ZFP2: variants seen among roughly 807,000 people sequenced by gnomAD.
ZFP2 encodes ZFP2 zinc finger protein.
A neutral mutation model predicts 36.1 loss-of-function variants in ZFP2; 33 were observed. The observed-to-expected ratio is 0.92, with a 90% CI of 0.69 to 1.22. The LOEUF (loss-of-function observed/expected upper bound fraction) is 1.22, where lower values mean the gene tolerates loss of function less well. ZFP2 is among the 50% of genes most tolerant of loss of function. The pLI, the probability that ZFP2 is intolerant of heterozygous loss-of-function variation, is 0.00. For synonymous variants in ZFP2, 170 were observed against 178.0 expected, an observed-to-expected ratio of 0.96 and a Z score of 0.36; for missense variants, 522 against 551.4, an observed-to-expected ratio of 0.95 and a Z score of 0.53.
chr5:178,927,663 A>ATGTG (rs33974182), intron 4 of ZFP2, among the ~76,000 whole-genome samples: 8,432 of 91,892 alleles, frequency 0.092, 384 homozygotes, highest in South Asian at 0.14. Flanking sequence ...TACCTGGCCA[A>ATGTG]TGTGTGTGTG....
intron 3 of ZFP2, among the ~76,000 whole-genome samples, chr5:178,913,426 G>A (rs956432231): frequency 6.6e-6 from 1 of 152,128 alleles, no homozygotes; most frequent in Non-Finnish European, 1.5e-5. Context: ...TCTTTCATGA[G>A]TGTTTCCTCT....
intron 1 of ZFP2, 36 bp downstream of exon 1, chr5:178,896,010 C>T (rs948925619): frequency 6.6e-6 from 1 of 152,334 alleles, no homozygotes; most frequent in Non-Finnish European, 1.5e-5. Flanking sequence ...CGCGCGCCAT[C>T]CGTGAGTCTT....
At chr5:178,921,366 C>CCAACATTTTTCTTTCTTCTTTTGGT (rs1554106972) in intron 4 of ZFP2, among the ~76,000 whole-genome samples, 2 of 150,376 alleles carry the variant, frequency 1.3e-5, no homozygotes, top group African/African-American at 2.4e-5. Context: ...AGTGACCATC[C>CCAACATTTTTCTTTCTTCTTTTGGT]CTATGTAGAG....
chr5:178,919,161 A>AT (rs1377566817), intron 4 of ZFP2, among the ~76,000 whole-genome samples: 1 of 123,430 alleles, frequency 8.1e-6, no homozygotes. Context: ...CAATGCTAAT[A>AT]TTTTTGTTTT....
At chr5:178,910,646 C>A in intron 1 of ZFP2, 1 of 385,396 alleles carries the variant, frequency 2.6e-6, no homozygotes, top group South Asian at 2.3e-5. Context: ...CCCTCTGGAT[C>A]AGTTGCCCTC....
chr5:178,906,881 T>TA lies in ZFP2; in HGVS notation c.-449-5701dup, dbSNP rs138492415. ...CTGAGTTTTTGTCTTTTTTTTTTTT[T>TA]AATAAGTTTTTATTTAAAAGATTCC... is the stretch of plus-strand genomic sequence containing the variant. On this transcript the variant is annotated intron_variant, in intron 1 of 4. Transcript: ENST00000361362. 4.4e-3 allele frequency among the ~76,000 whole-genome samples: 664 copies of TA among 149,330 alleles called. 8 individuals are homozygous for TA. The highest frequency in any genetic ancestry group is 0.015 in the African/African-American group (606 of 40,282).
At chr5:178,908,486 T>A (rs949242073) in intron 1 of ZFP2, among the ~76,000 whole-genome samples, 1 of 151,470 alleles carries the variant, frequency 6.6e-6, no homozygotes, top group African/African-American at 2.4e-5. Context: ...TTCAACCATG[T>A]AAATAGCGCT....
intron 1 of ZFP2, among the ~76,000 whole-genome samples, chr5:178,908,491 A>G (rs370600212): frequency 2.0e-5 from 3 of 152,046 alleles, no homozygotes; most frequent in Admixed American, 6.6e-5. Context: ...CCATGTAAAT[A>G]GCGCTACACA....
intron 1 of ZFP2, among the ~76,000 whole-genome samples, chr5:178,903,932 C>T (rs754542009): frequency 2.0e-5 from 3 of 151,768 alleles, no homozygotes; most frequent in Non-Finnish European, 2.9e-5. Context: ...TGAAGGTTGC[C>T]GTGAGCCAAG....
intron 1 of ZFP2, among the ~76,000 whole-genome samples, chr5:178,906,622 C>G (rs1440500837): frequency 6.6e-6 from 1 of 151,998 alleles, no homozygotes; most frequent in African/African-American, 2.4e-5. Flanking sequence ...GTGGCCCGAT[C>G]TCGGCTCACT....
chr5:178,932,859 AAGT>A lies in ZFP2; in HGVS notation c.*163_*165del, dbSNP rs1440736023. 1.1e-6 allele frequency: 1 copy of A among 914,832 alleles called. No individual in the cohort carries two copies. The highest frequency in any genetic ancestry group is 1.7e-5 in the African/African-American group (1 of 59,392). The allele number at this position is 914,832 out of a possible 1,614,324, so 56.7% of individuals were successfully genotyped here. ...ATACCACTGCAGAGAATCCATCTAA[AAGT>A]AGAGAAATCTTGATTCAGAATGTAT... On this transcript the variant is annotated 3_prime_UTR_variant, in exon 5 of 5. Transcript: ENST00000361362.
chr5:178,925,995 C>T lies in ZFP2; in HGVS notation c.-77-5242C>T, dbSNP rs552461989. 9.5e-4 allele frequency among the ~76,000 whole-genome samples: 141 copies of T among 148,624 alleles called. 9 individuals carry two copies. The highest frequency in any genetic ancestry group is 3.0e-3 in the African/African-American group (123 of 41,118). On this transcript the variant is annotated intron_variant, in intron 4 of 4. Transcript: ENST00000361362. ...CCGAGTAGCTGAGACCACATGTGTG[C>T]GCCACCATGATCTGGTAGTTTTTGA...
At chr5:178,930,636 A>C (rs1237770251) in intron 4 of ZFP2, among the ~76,000 whole-genome samples, 1 of 151,970 alleles carries the variant, frequency 6.6e-6, no homozygotes, top group Admixed American at 6.6e-5. Context: ...CATATTTCTT[A>C]ATCCTCATTT....
Position 178,931,837 on chromosome 5 carries a change from T to A in ZFP2, c.524T>A (p.Val175Asp). ...KAFSQSMNLT[V>D]HQRTHTGEKP... ...TTTAGTCAGAGCATGAATCTTACTG[T>A]CCATCAACGAACTCACACCGGAGAG... The change falls in exon 5 of 5, where the codon GTC becomes GAC. Residue 175 changes from valine to aspartate, a missense_variant. Val to Asp is a radical substitution (Grantham distance 152). Transcript: ENST00000361362. 1.9e-6 allele frequency: 3 copies of A among 1,612,570 alleles called. No individual in the cohort carries two copies. The highest frequency in any genetic ancestry group is 2.5e-6 in the Non-Finnish European group (3 of 1,178,818).
rs1758842003 is a variant in ZFP2, at chr5:178,931,619, T to C, written c.306T>C (p.Tyr102=). ...TQRMFVGKKI[Y]ECNQCSKTFS... The stretch of plus-strand genomic sequence containing the variant: ...GAATGTTTGTAGGAAAGAAGATCTA[T>C]GAATGTAATCAGTGCAGCAAAACCT... Residue 102 remains tyrosine (Y), a synonymous_variant, in exon 5 of 5, where the codon TAT becomes TAC. Coordinates refer to ENST00000361362, the MANE Select transcript of ZFP2 (RefSeq NM_030613.4). 2 of 1,614,066 alleles carry C rather than the reference T, an allele frequency of 1.2e-6. No homozygotes were observed. The highest frequency in any genetic ancestry group is 1.7e-5 in the Admixed American group (1 of 60,006).
At chr5:178,930,307 C>CCTTTCCTTT (rs370076131) in intron 4 of ZFP2, among the ~76,000 whole-genome samples, 1 of 135,012 alleles carries the variant, frequency 7.4e-6, no homozygotes, top group Non-Finnish European at 1.6e-5. Flanking sequence ...CTTTTTTTTT[C>CCTTTCCTTT]CCTTTCCTTT....
chr5:178,928,373 A>G (rs1214775396), intron 4 of ZFP2, among the ~76,000 whole-genome samples: 1 of 152,172 alleles, frequency 6.6e-6, no homozygotes, highest in African/African-American at 2.4e-5. Context: ...CCTTCTACCT[A>G]TGAGCCTATA....
chr5:178,915,042 C>G (rs1416188069), intron 3 of ZFP2, among the ~76,000 whole-genome samples: 1 of 152,170 alleles, frequency 6.6e-6, no homozygotes, highest in Non-Finnish European at 1.5e-5. Flanking sequence ...GAATGTTCTT[C>G]TTAAATAGCA....
chr5:178,931,273 C>A lies in ZFP2; in HGVS notation c.-41C>A. 6.6e-7 allele frequency: 1 copy of A among 1,525,892 alleles called. No homozygotes were observed. The highest frequency in any genetic ancestry group is 2.3e-5 in the East Asian group (1 of 43,990). The allele number at this position is 1,525,892 out of a possible 1,614,324, so 94.5% of individuals were successfully genotyped here. A position where few individuals can be genotyped will look rare whatever the true frequency, so the allele number is the denominator to read the frequency against. ...AGACTTGAAACCAAAGAGCCAACTC[C>A]GAAGCCGGGTATTACTGAAGATTTA... On this transcript the variant is annotated 5_prime_UTR_variant, in exon 5 of 5. Coordinates refer to ENST00000361362, the MANE Select transcript of ZFP2 (RefSeq NM_030613.4).
Sources: allele counts gnomAD v4.1 joint callset (sites outside exome capture counted in the v4.1 genomes callset), GRCh38; gene constraint gnomAD v4.1.1; transcripts MANE v1.5; gene names NCBI Gene and HGNC (gene_info 2026-07-23, HGNC 2026-07-21).